The following TMEM269 variants were observed in gnomAD, a reference collection of about 807,000 sequenced individuals.
TMEM269 encodes transmembrane protein 269.
A neutral mutation model predicts 15.8 loss-of-function variants in TMEM269; 12 were observed. The observed-to-expected ratio is 0.76, with a 90% confidence interval of 0.49 to 1.23. The LOEUF is 1.23. Ranked by LOEUF, TMEM269 falls within the 50% of genes most tolerant of loss-of-function variation. The pLI is 0.00. For missense variants in TMEM269, 211 were observed against 245.4 expected (o/e 0.86, Z 0.94); for synonymous variants, 93 against 99.3 (o/e 0.94, Z 0.38).
chr1:42,785,571 C>T (rs576274072), intron 1 of TMEM269, among the ~76,000 whole-genome samples: 1 of 152,168 alleles, frequency 6.6e-6, no homozygotes, highest in Non-Finnish European at 1.5e-5. Flanking sequence ...AGCCGCCCTG[C>T]GCTTCCTGCC....
At chr1:42,796,135 A>G (rs1158334193) in intron 5 of TMEM269, among the ~76,000 whole-genome samples, 6 of 152,228 alleles carry the variant, frequency 3.9e-5, no homozygotes, top group African/African-American at 1.4e-4. Flanking sequence ...AGATTAAATG[A>G]GATAATAAAT....
rs1195021535 is a variant in TMEM269 at position 42,789,782 on chromosome 1, C to T, written c.-98-14C>T. On this transcript the variant is annotated splice_polypyrimidine_tract_variant and intron_variant, in intron 1 of 5. Coordinates refer to ENST00000637012, the MANE Select transcript of TMEM269 (RefSeq NM_001354602.2). ...AACCTTGGGAACCCTTCGCCCCTCT[C>T]TCTTGGGCCCCAGGTAAGGGTACCA... 2.8e-6 allele frequency: 4 copies of T among 1,428,426 alleles called. No homozygotes were observed. The highest frequency in any genetic ancestry group is 3.9e-5 in the Admixed American group (2 of 50,838). 88.5% of individuals were successfully genotyped at this position (1,428,426 alleles called of 1,614,324 possible).
chr1:42,791,152 G>A (rs996164685), intron 2 of TMEM269, among the ~76,000 whole-genome samples: 1 of 152,338 alleles, frequency 6.6e-6, no homozygotes, highest in African/African-American at 2.4e-5. Flanking sequence ...CAAGGTTGGA[G>A]ATTTCCACCC....
At chr1:42,793,864 C>A in intron 4 of TMEM269, 120 bp downstream of exon 4, 1 of 1,209,120 alleles carries the variant, frequency 8.3e-7, no homozygotes, top group Non-Finnish European at 1.1e-6. Context: ...CTCTTCCTTC[C>A]TCCTTGCGTG....
In TMEM269 at chr1:42,789,750, A is replaced by G. The variant is rs1438247072; in HGVS notation, c.-98-46A>G. 3.7e-6 allele frequency: 4 copies of G among 1,076,644 alleles called. No individual in the cohort carries two copies. The East Asian group carries it at 1.0e-4, about 28-fold the overall frequency. The allele number at this position is 1,076,644 out of a possible 1,614,324, so 66.7% of individuals were successfully genotyped here. ...CAGGTCCCTGGGAGCCTCTTCTGGG[A>G]CTCCTTAACCTTGGGAACCCTTCGC... On this transcript the variant is annotated intron_variant, in intron 1 of 5. Transcript: ENST00000637012.
At chr1:42,789,991 A>T in intron 2 of TMEM269, 57 bp downstream of exon 2, 4 of 1,304,618 alleles carry the variant, frequency 3.1e-6, no homozygotes, top group Non-Finnish European at 4.3e-6. Context: ...GGCATGCGGG[A>T]AGGAGAGGGA....
At chr1:42,794,161 C>T (rs1653750670) in intron 4 of TMEM269, among the ~76,000 whole-genome samples, 1 of 152,150 alleles carries the variant, frequency 6.6e-6, no homozygotes, top group South Asian at 2.1e-4. Context: ...CTCAAAGGAC[C>T]CTTTCAGCAG....
intron 4 of TMEM269, 44 bp downstream of exon 4, chr1:42,793,788 A>C: frequency 6.5e-7 from 1 of 1,536,442 alleles, no homozygotes; most frequent in Non-Finnish European, 8.8e-7. Flanking sequence ...GCAGGGGAGC[A>C]CAGAACGGGG....
Position 42,789,407 on chromosome 1 carries a change from G to A in TMEM269, c.-98-389G>A, listed in dbSNP as rs766778460. 32 of 1,533,430 alleles carry A rather than the reference G, an allele frequency of 2.1e-5. 1 individual carries two copies. Among genetic ancestry groups the A allele is most frequent in the South Asian group, 1.7e-4 (14 of 84,018 alleles). 95.0% of individuals were successfully genotyped at this position (1,533,430 alleles called of 1,614,324 possible). On this transcript the variant is annotated intron_variant, in intron 1 of 5. Transcript: ENST00000637012. The stretch of plus-strand genomic sequence containing the variant: ...TACTTCTCTCTCAAGCCAACCCTTC[G>A]TCAGTGACAAGGGCCCACCTCTCAG...
chr1:42,790,073 C>T (rs1043059278), intron 2 of TMEM269, 139 bp downstream of exon 2: 8 of 637,076 alleles, frequency 1.3e-5, no homozygotes, highest in African/African-American at 7.3e-5. Flanking sequence ...GCTTAGGAGT[C>T]AAGAGGCCAA....
chr1:42,795,315 A>G (rs1653772953), intron 5 of TMEM269, among the ~76,000 whole-genome samples: 1 of 152,214 alleles, frequency 6.6e-6, no homozygotes, highest in South Asian at 2.1e-4. Context: ...AGTGACACAG[A>G]CTGAGGCCAT....
intron 1 of TMEM269, among the ~76,000 whole-genome samples, chr1:42,785,563 C>A (rs1368812728): frequency 1.3e-5 from 2 of 152,180 alleles, no homozygotes; most frequent in African/African-American, 4.8e-5. Flanking sequence ...CGCCTCCAAG[C>A]CGCCCTGCGC....
At chr1:42,785,109 G>A (rs1360316164) in intron 1 of TMEM269, 27 bp downstream of exon 1, 1 of 152,412 alleles carries the variant, frequency 6.6e-6, no homozygotes, top group East Asian at 1.9e-4. Flanking sequence ...GCGTGGAAGG[G>A]GCGAGAAGGG....
In TMEM269 at chr1:42,799,331, G is replaced by T. The variant is rs1031646247; in HGVS notation, c.*1106G>T. On this transcript the variant is annotated 3_prime_UTR_variant, in exon 6 of 6. Coordinates refer to ENST00000637012, the MANE Select transcript of TMEM269 (RefSeq NM_001354602.2). ...CCACCTCCCAGATGGTGGAAAAAAG[G>T]ATTGATGGCTGGTTCTGCTCCACCC... is the stretch of plus-strand genomic sequence containing the variant. The T allele has an allele frequency of 6.6e-6, 1 of 151,560 alleles. No homozygotes were observed. Among genetic ancestry groups the T allele is most frequent in the Non-Finnish European group, 1.5e-5 (1 of 67,976 alleles). The allele number at this position is 151,560 out of a possible 1,614,324, so 9.4% of individuals were successfully genotyped here.
Position 42,789,792 on chromosome 1 carries a change from C to G in TMEM269, c.-98-4C>G. On this transcript the variant is annotated splice_polypyrimidine_tract_variant and splice_region_variant and intron_variant, in intron 1 of 5. Coordinates refer to ENST00000637012, the MANE Select transcript of TMEM269 (RefSeq NM_001354602.2). ...ACCCTTCGCCCCTCTCTCTTGGGCC[C>G]CAGGTAAGGGTACCAGTTTCTTCCT... is the stretch of plus-strand genomic sequence containing the variant. 6.8e-7 allele frequency: 1 copy of G among 1,477,752 alleles called. No homozygotes were observed. Among genetic ancestry groups the G allele is most frequent in the Non-Finnish European group, 9.3e-7 (1 of 1,080,442 alleles). The allele number at this position is 1,477,752 out of a possible 1,614,324, so 91.5% of individuals were successfully genotyped here. A position where few individuals can be genotyped will look rare whatever the true frequency, so the allele number is the denominator to read the frequency against.
Position 42,794,616 on chromosome 1 carries a change from G to A in TMEM269, c.484+3G>A, listed in dbSNP as rs1401005593. 2 of 1,546,656 alleles carry A rather than the reference G, an allele frequency of 1.3e-6. No homozygotes were observed. Among genetic ancestry groups the A allele is most frequent in the Admixed American group, 2.0e-5 (1 of 50,984 alleles). On this transcript the variant is annotated splice_donor_region_variant and intron_variant, in intron 5 of 5. Coordinates refer to ENST00000637012, the MANE Select transcript of TMEM269 (RefSeq NM_001354602.2). ...GAAAAAATTGGTTTATATAGGAGGT[G>A]AGTGAAAATGTCACTATGGCCAGTT...
At chr1:42,792,271 G>A (rs1215529954) in intron 2 of TMEM269, among the ~76,000 whole-genome samples, 1 of 152,178 alleles carries the variant, frequency 6.6e-6, no homozygotes, top group African/African-American at 2.4e-5. Flanking sequence ...TGATATCGTA[G>A]CTGAAAATAA....
rs979365718 is a variant in TMEM269 at position 42,800,450 on chromosome 1, C to T, written c.*2225C>T. The T allele has an allele frequency of 6.6e-6, 1 of 152,170 alleles. No individual in the cohort carries two copies. Among genetic ancestry groups the T allele is most frequent in the Non-Finnish European group, 1.5e-5 (1 of 68,038 alleles). The allele number at this position is 152,170 out of a possible 1,614,324, so 9.4% of individuals were successfully genotyped here. Reference sequence around the variant, plus strand: ...GAGAAGGCCAAGACTTTAAAATCTGCACTTCTCAAATGCATACATGAAGCC... The same window carrying T: ...GAGAAGGCCAAGACTTTAAAATCTGTACTTCTCAAATGCATACATGAAGCC... On this transcript the variant is annotated 3_prime_UTR_variant, in exon 6 of 6. Coordinates refer to ENST00000637012, the MANE Select transcript of TMEM269 (RefSeq NM_001354602.2).
At chr1:42,791,609 T>C (rs761230240) in intron 2 of TMEM269, among the ~76,000 whole-genome samples, 8 of 152,158 alleles carry the variant, frequency 5.3e-5, no homozygotes, top group Non-Finnish European at 1.0e-4. Flanking sequence ...ATGCATATAG[T>C]CAAGAAAAGA....
Sources: allele counts gnomAD v4.1 joint callset (sites outside exome capture counted in the v4.1 genomes callset), GRCh38; gene constraint gnomAD v4.1.1; transcripts MANE v1.5; gene names NCBI Gene and HGNC (gene_info 2026-07-23, HGNC 2026-07-21).